Variants in KAZN observed in about 807,000 individuals in gnomAD.
KAZN encodes the protein kazrin, periplakin interacting protein.
Under a neutral mutation model 87.4 loss-of-function variants are expected in KAZN, and 40 were observed. That is an observed-to-expected ratio of 0.46 (90% CI 0.36 to 0.60). The LOEUF is 0.60. KAZN is among the 20% of genes least tolerant of loss of function. The probability of loss-of-function intolerance (pLI) is 0.00; values close to 1 mark genes in which losing one functional copy is unlikely to be tolerated. For missense variants in KAZN, 898 were observed against 1,073.9 expected (o/e 0.84, Z 2.29); for synonymous variants, 466 against 458.3 (o/e 1.02, Z -0.22).
chr1:14,044,186 T>C (rs939015638), intron 1 of KAZN, among the ~76,000 whole-genome samples: 3 of 152,234 alleles, frequency 2.0e-5, no homozygotes, highest in African/African-American at 7.2e-5. Context: ...CACCCACCAA[T>C]ACTGTGTTTC....
intron 2 of KAZN, among the ~76,000 whole-genome samples, chr1:14,419,821 G>A (rs147742558): frequency 1.6e-4 from 25 of 152,196 alleles, no homozygotes; most frequent in African/African-American, 4.3e-4. Context: ...TCGGGGTCTC[G>A]CTGGTCTCGG....
chr1:14,213,807 G>C lies in KAZN; in HGVS notation c.249+33215G>C, dbSNP rs554050844. On this transcript the variant is annotated intron_variant, in intron 2 of 16. Coordinates refer to the KAZN transcript ENST00000636203. ...AGGGGGTCTAGTTATGAGGCTACCT[G>C]TGGTGGCCCAGAGGACAGCTGGTAG... Among the ~76,000 whole-genome samples the C allele has an allele frequency of 5.9e-5, 9 of 152,340 alleles. No homozygotes were observed. In the South Asian group the frequency reaches 1.2e-3, roughly 21 times the overall value.
intron 2 of KAZN, among the ~76,000 whole-genome samples, chr1:14,413,304 C>T (rs893396029): frequency 6.6e-6 from 1 of 151,716 alleles, no homozygotes; most frequent in Non-Finnish European, 1.5e-5. Context: ...CTTTAAAATG[C>T]ATTTGGCCAG....
At chr1:14,582,003 T>C (rs916299386) in intron 2 of KAZN, among the ~76,000 whole-genome samples, 3 of 152,170 alleles carry the variant, frequency 2.0e-5, no homozygotes, top group African/African-American at 2.4e-5. Context: ...CCACCCAGAC[T>C]AGAATGTAAG....
intron 1 of KAZN, among the ~76,000 whole-genome samples, chr1:14,806,382 T>C (rs1215863134): frequency 6.6e-6 from 1 of 152,190 alleles, no homozygotes; most frequent in Non-Finnish European, 1.5e-5. Flanking sequence ...TCAATTATAT[T>C]TCTTATTTTA....
At chr1:14,688,728 C>T (rs895257829) in intron 1 of KAZN, among the ~76,000 whole-genome samples, 3 of 152,348 alleles carry the variant, frequency 2.0e-5, no homozygotes, top group Non-Finnish European at 2.9e-5. Flanking sequence ...AGAACCTTGC[C>T]AAGGACACTG....
At chr1:14,186,414 GC>G (rs1168074919) in intron 2 of KAZN, among the ~76,000 whole-genome samples, 1 of 152,122 alleles carries the variant, frequency 6.6e-6, no homozygotes, top group African/African-American at 2.4e-5. Context: ...CCCATGGGTA[GC>G]TCATAGGAAA....
intron 1 of KAZN, among the ~76,000 whole-genome samples, chr1:14,001,757 C>G (rs573439338): frequency 1.3e-5 from 2 of 152,116 alleles, no homozygotes; most frequent in Non-Finnish European, 2.9e-5. Flanking sequence ...GGGAAAGGAT[C>G]TCCTATTCAA....
At chr1:14,870,766 T>A (rs1652046909) in intron 1 of KAZN, among the ~76,000 whole-genome samples, 1 of 152,218 alleles carries the variant, frequency 6.6e-6, no homozygotes, top group Admixed American at 6.5e-5. Context: ...ATCGGGGGCA[T>A]TTGTTGTGAA....
At chr1:14,004,204 G>T (rs1639938470) in intron 1 of KAZN, among the ~76,000 whole-genome samples, 1 of 151,724 alleles carries the variant, frequency 6.6e-6, no homozygotes, top group Admixed American at 6.6e-5. Flanking sequence ...GCTAAAAATT[G>T]AAAATGACAG....
chr1:14,527,846 A>G (rs996213065), intron 2 of KAZN, among the ~76,000 whole-genome samples: 1 of 152,168 alleles, frequency 6.6e-6, no homozygotes, highest in Admixed American at 6.5e-5. Context: ...TGCCCCCATG[A>G]CCCAAATACC....
chr1:15,070,300 T>A (rs1241757410), intron 8 of KAZN, among the ~76,000 whole-genome samples: 11 of 152,188 alleles, frequency 7.2e-5, no homozygotes, highest in Non-Finnish European at 4.4e-5. Context: ...ATCAGCCTTT[T>A]CCCCGCAGGC....
intron 1 of KAZN, among the ~76,000 whole-genome samples, chr1:14,930,407 T>A (rs12141312): frequency 0.36 from 55,087 of 152,000 alleles, 11,966 homozygotes; most frequent in African/African-American, 0.6. Context: ...CCGGATGCTT[T>A]ATTCCCTCCC....
chr1:14,477,027 C>T (rs1178294603), intron 2 of KAZN, among the ~76,000 whole-genome samples: 1 of 152,218 alleles, frequency 6.6e-6, no homozygotes, highest in African/African-American at 2.4e-5. Context: ...AAAGGCCTAA[C>T]TAAAATATCT....
At chr1:14,939,038 C>T (rs1464296602) in intron 1 of KAZN, among the ~76,000 whole-genome samples, 1 of 151,710 alleles carries the variant, frequency 6.6e-6, no homozygotes, top group Non-Finnish European at 1.5e-5. Context: ...AATGGCATGA[C>T]CTTGGTTCAC....
At chr1:13,923,945 C>T (rs941953804) in intron 1 of KAZN, among the ~76,000 whole-genome samples, 4 of 151,502 alleles carry the variant, frequency 2.6e-5, no homozygotes, top group Non-Finnish European at 5.9e-5. Flanking sequence ...AGAGTGGATG[C>T]TGACCATGCG....
At chr1:14,824,696 GTCA>G (rs1214584723) in intron 1 of KAZN, among the ~76,000 whole-genome samples, 4 of 152,112 alleles carry the variant, frequency 2.6e-5, no homozygotes, top group African/African-American at 7.2e-5. Context: ...GATCATCATC[GTCA>G]TCATCATCAT....
At chr1:15,007,678 C>T (rs1257745038) in intron 2 of KAZN, among the ~76,000 whole-genome samples, 1 of 152,198 alleles carries the variant, frequency 6.6e-6, no homozygotes. Flanking sequence ...GCAGGTAGCT[C>T]ACCTGCCCGC....
At chr1:13,971,487 G>A (rs558957926) in intron 1 of KAZN, among the ~76,000 whole-genome samples, 1 of 152,208 alleles carries the variant, frequency 6.6e-6, no homozygotes, top group South Asian at 2.1e-4. Flanking sequence ...TTCAATGTAG[G>A]CCCGAATGTG....
Sources: allele counts gnomAD v4.1 joint callset (sites outside exome capture counted in the v4.1 genomes callset), GRCh38; gene constraint gnomAD v4.1.1; transcripts MANE v1.5; gene names NCBI Gene and HGNC (gene_info 2026-07-23, HGNC 2026-07-21).